Variants in SLC2A6 observed in about 807,000 individuals in gnomAD.
SLC2A6 encodes the protein solute carrier family 2 member 6, also known as solute carrier family 2, facilitated glucose transporter member 6.
Under a neutral mutation model 47.8 loss-of-function variants are expected in SLC2A6, and 39 were observed. The observed-to-expected ratio is 0.82, with a 90% CI of 0.63 to 1.07. The LOEUF is 1.07. SLC2A6 is among the 50% of genes least tolerant of loss of function. SLC2A6 has a pLI of 0.00. For synonymous variants in SLC2A6, 346 were observed against 324.1 expected (o/e 1.07, Z -0.73); for missense variants, 650 against 707.6 (o/e 0.92, Z 0.92).
In SLC2A6 at chr9:133,472,086, T is replaced by C; in HGVS notation, c.1459A>G (p.Lys487Glu). 6.2e-7 allele frequency: 1 copy of C among 1,613,322 alleles called. No homozygotes were observed. The highest frequency in any genetic ancestry group is 8.5e-7 in the Non-Finnish European group (1 of 1,179,918). Residue 487 changes from lysine (K) to glutamate (E), a missense_variant, in exon 10 of 10, where the codon AAG becomes GAG. By Grantham distance (56) the Lys-to-Glu change is moderately conservative (BLOSUM62 1). Transcript: ENST00000371899. Reference protein sequence around the residue: ...VFTGCCVPETKGRSLEQIESF... With the variant: ...VFTGCCVPETEGRSLEQIESF... The stretch of plus-strand genomic sequence containing the variant: ...TCGATCTGCTCCAGGGACCGTCCCT[T>C]GGTCTCGGGCACACAGCAGCCTGTG...
At position 133,471,713 on chromosome 9, in the gene SLC2A6, A is replaced by C; in HGVS notation, c.*308T>G. 1 of 296,672 alleles carries C rather than the reference A, an allele frequency of 3.4e-6. No individual in the cohort carries two copies. The allele number at this position is 296,672 out of a possible 1,614,324, so 18.4% of individuals were successfully genotyped here. ...CTTCTGTGGGGCGTGTCCTTCACGC[A>C]AGGGAAAGGGACTAGGCCTGAGGTC... On this transcript the variant is annotated 3_prime_UTR_variant, in exon 10 of 10. Transcript: ENST00000371899.
chr9:133,475,568 C>T lies in SLC2A6; in HGVS notation c.606G>A (p.Ala202=), dbSNP rs782128064. The change falls in exon 5 of 10, where the codon GCG becomes GCA. Residue 202 remains alanine (A), a synonymous_variant. Coordinates refer to ENST00000371899, the MANE Select transcript of SLC2A6 (RefSeq NM_017585.4). ...GCAGCAGGATCATGATGAGCACAGG[C>T]GCCTCCCCGGCCACAGCCAGCCAGC... ...PWRWLAVAGE[A]PVLIMILLLS... The T allele has an allele frequency of 4.5e-5, 72 of 1,607,422 alleles. No homozygotes were observed. Among genetic ancestry groups the T allele is most frequent in the South Asian group, 2.4e-4 (22 of 90,530 alleles).
intron 3 of SLC2A6, among the ~76,000 whole-genome samples, 156 bp downstream of exon 3, chr9:133,476,879 C>T (rs587606084): frequency 1.3e-5 from 2 of 152,332 alleles, no homozygotes; most frequent in South Asian, 2.1e-4. Context: ...ATTAGCTGCC[C>T]TGCTGGGGGT....
In SLC2A6 at chr9:133,472,063, G is replaced by A. The variant is rs139812556; in HGVS notation, c.1482C>T (p.Ile494=). Residue 494 remains isoleucine (I), a synonymous_variant, in exon 10 of 10, where the codon ATC becomes ATT. Transcript: ENST00000371899. ...PETKGRSLEQ[I]ESFFRTGRRS... ...TTCTCCCCGTGCGGAAGAAGGACTC[G>A]ATCTGCTCCAGGGACCGTCCCTTGG... 3.7e-6 allele frequency: 6 copies of A among 1,613,218 alleles called. No individual in the cohort carries two copies. The highest frequency in any genetic ancestry group is 2.7e-5 in the African/African-American group (2 of 74,888).
intron 2 of SLC2A6, 145 bp downstream of exon 2, chr9:133,478,109 C>G (rs1361847260): frequency 1.3e-6 from 1 of 789,854 alleles, no homozygotes; most frequent in Non-Finnish European, 2.0e-6. Flanking sequence ...ACCCCACCCA[C>G]TAGTGGCCTG....
At chr9:133,475,761 G>A in intron 4 of SLC2A6, 150 bp from the exon 5 acceptor site, 1 of 726,688 alleles carries the variant, frequency 1.4e-6, no homozygotes, top group East Asian at 2.7e-5. Flanking sequence ...AGGCAGGGTG[G>A]GGCTGCAGGG....
Position 133,471,826 on chromosome 9 carries a change from GGGCTGT to G in SLC2A6, c.*189_*194del. On this transcript the variant is annotated 3_prime_UTR_variant, in exon 10 of 10. Transcript: ENST00000371899. ...GCAGCACTGTGGGCTGCCTGGGCTG[GGGCTGT>G]GGCTGGACAGCAGTGCTACCTGTCC... The G allele has an allele frequency of 1.6e-6, 1 of 616,526 alleles. No individual in the cohort carries two copies. The highest frequency in any genetic ancestry group is 2.8e-5 in the East Asian group (1 of 35,712). 38.2% of individuals were successfully genotyped at this position (616,526 alleles called of 1,614,324 possible). A position where few individuals can be genotyped will look rare whatever the true frequency, so the allele number is the denominator to read the frequency against.
At chr9:133,478,510 G>A (rs1416291086) in intron 1 of SLC2A6, 94 bp from the exon 2 acceptor site, 3 of 1,473,554 alleles carry the variant, frequency 2.0e-6, no homozygotes, top group South Asian at 1.2e-5. Context: ...CCGGCTCAGC[G>A]GGCAGTGCTA....
At chr9:133,478,448 T>C in intron 1 of SLC2A6, 32 bp from the exon 2 acceptor site, 1 of 1,612,448 alleles carries the variant, frequency 6.2e-7, no homozygotes, top group Non-Finnish European at 8.5e-7. Context: ...AAGACCAGGG[T>C]CTCTGAGTCC....
At chr9:133,477,679 T>C (rs1178350629) in intron 2 of SLC2A6, among the ~76,000 whole-genome samples, 1 of 152,192 alleles carries the variant, frequency 6.6e-6, no homozygotes, top group Non-Finnish European at 1.5e-5. Context: ...AGCTGTCTTA[T>C]GGGGAGAGCG....
At chr9:133,475,199 G>A in intron 5 of SLC2A6, 86 bp from the exon 6 acceptor site, 7 of 1,431,676 alleles carry the variant, frequency 4.9e-6, no homozygotes, top group Non-Finnish European at 6.4e-6. Flanking sequence ...GGTTGTGTGG[G>A]AGACCTCCTT....
chr9:133,477,343 T>G (rs929332441), intron 2 of SLC2A6, 102 bp from the exon 3 acceptor site: 11 of 1,185,118 alleles, frequency 9.3e-6, no homozygotes, highest in Non-Finnish European at 1.2e-5. Context: ...CCCCAGGAGC[T>G]GGTCAAGCAC....
In SLC2A6 at chr9:133,476,342, A is replaced by G. The variant is rs1327224889; in HGVS notation, c.463-6T>C. On this transcript the variant is annotated splice_region_variant and splice_polypyrimidine_tract_variant and intron_variant, in intron 3 of 9. Transcript: ENST00000371899. Reference sequence around the variant, plus strand: ...GCAATCTCAGACACGTACACCTGCAAGACACAGCCGCCGCACCAGGTTTTG... The same window carrying G: ...GCAATCTCAGACACGTACACCTGCAGGACACAGCCGCCGCACCAGGTTTTG... 3 of 1,611,440 alleles carry G rather than the reference A, an allele frequency of 1.9e-6. No individual in the cohort carries two copies. The highest frequency in any genetic ancestry group is 2.5e-6 in the Non-Finnish European group (3 of 1,179,016).
chr9:133,478,218 T>C (rs782005961), intron 2 of SLC2A6, 36 bp downstream of exon 2: 1 of 1,610,590 alleles, frequency 6.2e-7, no homozygotes, highest in Non-Finnish European at 8.5e-7. Context: ...GGTCCCTCCT[T>C]CCTGCACCCA....
Position 133,472,155 on chromosome 9 carries a change from G to T in SLC2A6, c.1390C>A (p.Pro464Thr). 6.2e-7 allele frequency: 1 copy of T among 1,613,230 alleles called. No homozygotes were observed. Among genetic ancestry groups the T allele is most frequent in the Non-Finnish European group, 8.5e-7 (1 of 1,179,920 alleles). The change falls in exon 10 of 10, where the codon CCT becomes ACT. Residue 464 changes from proline to threonine, a missense_variant. Coordinates refer to ENST00000371899, the MANE Select transcript of SLC2A6 (RefSeq NM_017585.4). The part of the protein sequence containing the change: ...PVVSTFGLQV[P>T]FFFFAAICLV... Reference sequence around the variant, plus strand: ...CAGATGGCCGCGAAGAAGAAGAAAGGCACCTGGAGGCCGAAGGTGCTCTGC... The same window carrying T: ...CAGATGGCCGCGAAGAAGAAGAAAGTCACCTGGAGGCCGAAGGTGCTCTGC...
Position 133,476,527 on chromosome 9 carries a change from CCTAA to C in SLC2A6, c.463-195_463-192del, listed in dbSNP as rs368184710. On this transcript the variant is annotated intron_variant, in intron 3 of 9. Coordinates refer to ENST00000371899, the MANE Select transcript of SLC2A6 (RefSeq NM_017585.4). ...CTGATCTCTCTCTGTCCTCAGTTTC[CCTAA>C]CTGTGACGTGGGTGGAAGTACGCAG... 3.6e-3 allele frequency: 2,159 copies of C among 604,438 alleles called. 11 individuals are homozygous for C. Among genetic ancestry groups the C allele is most frequent in the Middle Eastern group, 0.024 (65 of 2,736 alleles). The allele number at this position is 604,438 out of a possible 1,614,324, so 37.4% of individuals were successfully genotyped here.
Position 133,472,130 on chromosome 9 carries a change from C to T in SLC2A6, c.1415G>A (p.Cys472Tyr), listed in dbSNP as rs782309254. 6.2e-6 allele frequency: 10 copies of T among 1,613,446 alleles called. No individual in the cohort carries two copies. The highest frequency in any genetic ancestry group is 8.5e-6 in the Non-Finnish European group (10 of 1,179,926). Residue 472 changes from cysteine to tyrosine, a missense_variant, in exon 10 of 10, where the codon TGC (cysteine) becomes TAC (tyrosine). Coordinates refer to ENST00000371899, the MANE Select transcript of SLC2A6 (RefSeq NM_017585.4). ...QVPFFFFAAI[C>Y]LVSLVFTGCC... ...GCCTGTGAACACCAGGCTCACCAAG[C>T]AGATGGCCGCGAAGAAGAAGAAAGG... is the stretch of plus-strand genomic sequence containing the variant.
intron 4 of SLC2A6, 78 bp from the exon 5 acceptor site, chr9:133,475,689 A>G: frequency 7.7e-7 from 1 of 1,303,022 alleles, no homozygotes; most frequent in Non-Finnish European, 1.0e-6. Context: ...GAATAACCTC[A>G]TCTGCCCTTC....
chr9:133,478,793 C>A, intron 1 of SLC2A6, 175 bp downstream of exon 1: 1 of 619,916 alleles, frequency 1.6e-6, no homozygotes. Context: ...CGTTCCTTCC[C>A]TTAGGGGGAC....
Sources: gnomAD v4.1 joint callset for allele counts (sites outside exome capture counted in the v4.1 genomes callset) on GRCh38, gnomAD v4.1.1 for gene constraint, MANE v1.5 for transcripts, NCBI Gene and HGNC (gene_info 2026-07-23, HGNC 2026-07-21) for gene names.